SLC25A21: variants seen among roughly 807,000 people sequenced by gnomAD.
The protein encoded by SLC25A21 is solute carrier family 25 member 21.
SLC25A21 carries 47 observed loss-of-function variants against 43.8 expected under a neutral mutation model. The ratio of observed to expected loss-of-function variants is 1.07; its 90% CI spans 0.85 to 1.37. The LOEUF (loss-of-function observed/expected upper bound fraction) is 1.37, where lower values mean the gene tolerates loss of function less well. SLC25A21 is among the 40% of genes most tolerant of loss of function. The pLI is 0.00. For missense variants in SLC25A21, 352 were observed against 350.2 expected, an observed-to-expected ratio of 1.00 and a Z score of -0.04; for synonymous variants, 131 against 121.3, an observed-to-expected ratio of 1.08 and a Z score of -0.52.
chr14:37,090,342 T>C (rs547194598), intron 1 of SLC25A21, among the ~76,000 whole-genome samples: 1 of 152,238 alleles, frequency 6.6e-6, no homozygotes, highest in Non-Finnish European at 1.5e-5. Context: ...TAAAACGGAA[T>C]GATGCAAGCA....
chr14:36,883,550 T>C (rs180770231), intron 1 of SLC25A21, among the ~76,000 whole-genome samples: 123 of 152,316 alleles, frequency 8.1e-4, no homozygotes, highest in African/African-American at 2.8e-3. Context: ...TCTCTTCTGA[T>C]GGAAATAAAC....
chr14:37,089,115 C>G (rs950941104), intron 1 of SLC25A21, among the ~76,000 whole-genome samples: 2 of 152,106 alleles, frequency 1.3e-5, no homozygotes, highest in Non-Finnish European at 2.9e-5. Context: ...TCATTCTCCA[C>G]AGTCCACAAA....
chr14:36,699,988 G>A (rs932562931), intron 7 of SLC25A21, among the ~76,000 whole-genome samples: 8 of 152,160 alleles, frequency 5.3e-5, no homozygotes, highest in African/African-American at 1.9e-4. Context: ...GATGAACCAG[G>A]TGCCTCAGTT....
chr14:37,103,876 C>T (rs1962863056), intron 1 of SLC25A21, among the ~76,000 whole-genome samples: 2 of 152,182 alleles, frequency 1.3e-5, no homozygotes, highest in African/African-American at 4.8e-5. Flanking sequence ...CAAGCACTTG[C>T]TGTTTGCCAG....
chr14:36,820,881 A>G (rs981048663), intron 2 of SLC25A21, among the ~76,000 whole-genome samples: 8 of 152,228 alleles, frequency 5.3e-5, no homozygotes, highest in African/African-American at 1.9e-4. Flanking sequence ...GTGTTCCTCA[A>G]TAAACACTTG....
chr14:36,840,045 A>G (rs2036889299), intron 2 of SLC25A21, among the ~76,000 whole-genome samples: 2 of 152,126 alleles, frequency 1.3e-5, no homozygotes, highest in African/African-American at 4.8e-5. Context: ...GCTTGAGGGG[A>G]AAGAGATGAC....
chr14:36,993,932 C>T (rs993835840), intron 1 of SLC25A21, among the ~76,000 whole-genome samples: 3 of 152,090 alleles, frequency 2.0e-5, no homozygotes, highest in Non-Finnish European at 2.9e-5. Flanking sequence ...GGAAAACATT[C>T]CCTTTACTGG....
chr14:37,037,289 G>A (rs1961348368), intron 1 of SLC25A21, among the ~76,000 whole-genome samples: 1 of 152,170 alleles, frequency 6.6e-6, no homozygotes, highest in Non-Finnish European at 1.5e-5. Context: ...TTGCATTGCA[G>A]CTGACTTTCA....
At chr14:36,682,930 G>A (rs897813069) in intron 9 of SLC25A21, among the ~76,000 whole-genome samples, 2 of 152,132 alleles carry the variant, frequency 1.3e-5, no homozygotes, top group African/African-American at 4.8e-5. Context: ...GGTTCATTGG[G>A]CTGAGATCTA....
intron 7 of SLC25A21, among the ~76,000 whole-genome samples, chr14:36,699,537 G>C (rs544588588): frequency 6.6e-6 from 1 of 152,310 alleles, no homozygotes; most frequent in East Asian, 1.9e-4. Context: ...CTTTTATTCA[G>C]CTATGCCTTA....
intron 1 of SLC25A21, among the ~76,000 whole-genome samples, chr14:37,098,782 C>T (rs61989531): frequency 0.84 from 115,975 of 137,984 alleles, 48,491 homozygotes; most frequent in Non-Finnish European, 0.91. Context: ...GACAGACAGA[C>T]AGACAGATAG....
At chr14:36,882,153 C>T (rs1329853495) in intron 1 of SLC25A21, among the ~76,000 whole-genome samples, 1 of 152,170 alleles carries the variant, frequency 6.6e-6, no homozygotes, top group African/African-American at 2.4e-5. Context: ...GAGGCCAAGG[C>T]AGGTGGAGCA....
At chr14:36,799,593 T>C (rs1887796405) in intron 3 of SLC25A21, among the ~76,000 whole-genome samples, 1 of 152,236 alleles carries the variant, frequency 6.6e-6, no homozygotes, top group Non-Finnish European at 1.5e-5. Context: ...TCTAAAGCTG[T>C]AAAGTAGCCA....
intron 1 of SLC25A21, among the ~76,000 whole-genome samples, chr14:36,908,206 C>G (rs1227208054): frequency 6.6e-6 from 1 of 152,052 alleles, no homozygotes; most frequent in Non-Finnish European, 1.5e-5. Flanking sequence ...AAAGTGAACC[C>G]TAATGTAAAC....
chr14:36,977,639 T>C (rs578048568), intron 1 of SLC25A21, among the ~76,000 whole-genome samples: 1 of 152,302 alleles, frequency 6.6e-6, no homozygotes, highest in South Asian at 2.1e-4. Context: ...CATGTTCTAA[T>C]GCAAGGGGGG....
chr14:37,160,258 CTGCACT>C (rs1283710661), intron 1 of SLC25A21, among the ~76,000 whole-genome samples: 1 of 152,210 alleles, frequency 6.6e-6, no homozygotes, highest in Non-Finnish European at 1.5e-5. Flanking sequence ...AAAGTGATAG[CTGCACT>C]TGCATGTTTA....
intron 2 of SLC25A21, among the ~76,000 whole-genome samples, chr14:36,818,182 T>A (rs1331850784): frequency 6.6e-6 from 1 of 152,120 alleles, no homozygotes; most frequent in Non-Finnish European, 1.5e-5. Flanking sequence ...TGATCGGCTA[T>A]TTATGGGTGG....
chr14:36,764,485 G>A (rs1455877120), intron 3 of SLC25A21, among the ~76,000 whole-genome samples: 6 of 144,136 alleles, frequency 4.2e-5, no homozygotes, highest in African/African-American at 1.3e-4. Flanking sequence ...GAAGAACGAG[G>A]TAATAGTAAC....
At chr14:37,162,790 G>T (rs1963967867) in intron 1 of SLC25A21, among the ~76,000 whole-genome samples, 1 of 151,958 alleles carries the variant, frequency 6.6e-6, no homozygotes, top group East Asian at 1.9e-4. Context: ...CCCATTACTG[G>T]GTATATACCC....
Sources: allele counts gnomAD v4.1 joint callset (sites outside exome capture counted in the v4.1 genomes callset), GRCh38; gene constraint gnomAD v4.1.1; transcripts MANE v1.5; gene names NCBI Gene and HGNC (gene_info 2026-07-23, HGNC 2026-07-21).